PTPRD: variants seen among roughly 807,000 people sequenced by gnomAD.
The protein encoded by PTPRD is receptor-type tyrosine-protein phosphatase delta.
Under a neutral mutation model 214.5 loss-of-function variants are expected in PTPRD, and 34 were observed. The observed-to-expected ratio is 0.16, with a 90% confidence interval of 0.12 to 0.21. PTPRD has a LOEUF of 0.21. Ranked by LOEUF, PTPRD falls within the 10% of genes least tolerant of loss-of-function variation. PTPRD has a pLI of 1.00. For synonymous variants in PTPRD, 1,128 were observed against 845.7 expected (o/e 1.33, Z -5.79); for missense variants, 2,545 against 2,398.7 (o/e 1.06, Z -1.27).
At chr9:9,169,074 A>G (rs1037182516) in intron 10 of PTPRD, among the ~76,000 whole-genome samples, 3 of 152,024 alleles carry the variant, frequency 2.0e-5, no homozygotes, top group Non-Finnish European at 4.4e-5. Flanking sequence ...ATCAGTGGAA[A>G]TCAATTTGCA....
At chr9:9,465,443 G>A (rs909581980) in intron 8 of PTPRD, among the ~76,000 whole-genome samples, 3 of 152,254 alleles carry the variant, frequency 2.0e-5, no homozygotes, top group Middle Eastern at 6.8e-3. Flanking sequence ...TGAGTCAGAG[G>A]AGTCCATTAC....
chr9:9,279,342 T>TTATA (rs113014721), intron 9 of PTPRD, among the ~76,000 whole-genome samples: 79 of 145,158 alleles, frequency 5.4e-4, no homozygotes, highest in Middle Eastern at 3.6e-3. Context: ...ATACCTAAAT[T>TTATA]TATATATATA....
chr9:10,479,135 T>C (rs992109094), intron 2 of PTPRD, among the ~76,000 whole-genome samples: 3 of 152,226 alleles, frequency 2.0e-5, no homozygotes, highest in East Asian at 1.9e-4. Context: ...AATGAATAAA[T>C]ATAATACTAA....
chr9:9,268,095 G>A (rs908624427), intron 9 of PTPRD, among the ~76,000 whole-genome samples: 6 of 150,824 alleles, frequency 4.0e-5, no homozygotes, highest in Non-Finnish European at 5.9e-5. Context: ...TGTTTTTGAT[G>A]ATATAATCTT....
intron 3 of PTPRD, among the ~76,000 whole-genome samples, chr9:10,056,207 G>A (rs767810676): frequency 1.3e-5 from 2 of 151,820 alleles, no homozygotes; most frequent in African/African-American, 4.8e-5. Context: ...TGTTATCCCA[G>A]CTAGTCAGCA....
chr9:8,403,273 C>G (rs1306069521), intron 36 of PTPRD, among the ~76,000 whole-genome samples: 1 of 152,094 alleles, frequency 6.6e-6, no homozygotes, highest in Non-Finnish European at 1.5e-5. Context: ...GAACATCTTT[C>G]AACTATAAAG....
At chr9:8,339,592 T>C (rs1850460805) in intron 42 of PTPRD, among the ~76,000 whole-genome samples, 1 of 152,128 alleles carries the variant, frequency 6.6e-6, no homozygotes, top group South Asian at 2.1e-4. Context: ...TCAGAGTAAG[T>C]CAGTTACTTT....
intron 3 of PTPRD, among the ~76,000 whole-genome samples, chr9:10,049,432 AAAGAAAAG>A (rs1164720657): frequency 3.2e-5 from 4 of 126,800 alleles, no homozygotes; most frequent in Admixed American, 9.1e-5. Flanking sequence ...AGAAAGAAAG[AAAGAAAAG>A]AAAAAAAAAA....
At chr9:9,500,368 TG>T (rs1569568838) in intron 8 of PTPRD, among the ~76,000 whole-genome samples, 1 of 152,210 alleles carries the variant, frequency 6.6e-6, no homozygotes, top group East Asian at 1.9e-4. Flanking sequence ...GATAACAAAA[TG>T]AATTAGGTTC....
chr9:8,409,711 T>C (rs2093356142), intron 35 of PTPRD, among the ~76,000 whole-genome samples: 1 of 152,212 alleles, frequency 6.6e-6, no homozygotes, highest in South Asian at 2.1e-4. Flanking sequence ...TGTGTTTCAC[T>C]TTCCCTCATC....
intron 8 of PTPRD, among the ~76,000 whole-genome samples, chr9:9,566,529 T>C (rs1265692976): frequency 6.6e-6 from 1 of 151,954 alleles, no homozygotes; most frequent in Non-Finnish European, 1.5e-5. Context: ...GGAGAATCAG[T>C]TTTACACAAT....
intron 11 of PTPRD, among the ~76,000 whole-genome samples, chr9:8,810,713 C>T (rs1014586898): frequency 1.3e-5 from 2 of 152,152 alleles, no homozygotes; most frequent in Admixed American, 1.3e-4. Flanking sequence ...TTTGGTTACC[C>T]TGAAAGTGGA....
At chr9:8,769,368 G>A (rs1344587722) in intron 11 of PTPRD, among the ~76,000 whole-genome samples, 2 of 152,170 alleles carry the variant, frequency 1.3e-5, no homozygotes, top group Admixed American at 6.5e-5. Context: ...AATTACAGCT[G>A]GATGAGAATG....
intron 3 of PTPRD, among the ~76,000 whole-genome samples, chr9:10,062,028 ATTG>A (rs57059069): frequency 0.058 from 7,253 of 124,652 alleles, 483 homozygotes; most frequent in African/African-American, 0.26. Context: ...TTCGAGAACC[ATTG>A]ATTGATTGAT....
chr9:9,780,528 A>G (rs1701614782), intron 5 of PTPRD, among the ~76,000 whole-genome samples: 1 of 152,246 alleles, frequency 6.6e-6, no homozygotes, highest in South Asian at 2.1e-4. Context: ...CATTGGTAAC[A>G]AAGAGTTACC....
At chr9:10,001,208 G>C (rs1283505009) in intron 4 of PTPRD, among the ~76,000 whole-genome samples, 2 of 151,882 alleles carry the variant, frequency 1.3e-5, no homozygotes, top group Non-Finnish European at 2.9e-5. Context: ...GTATCAATTT[G>C]ACATCATCCA....
intron 5 of PTPRD, among the ~76,000 whole-genome samples, chr9:9,917,204 G>A (rs1422474609): frequency 1.6e-5 from 2 of 128,402 alleles, no homozygotes; most frequent in African/African-American, 5.8e-5. Context: ...AGATCAAGCA[G>A]AAGTAAACAA....
intron 34 of PTPRD, among the ~76,000 whole-genome samples, chr9:8,447,552 G>C (rs1027473434): frequency 1.3e-5 from 2 of 152,186 alleles, no homozygotes; most frequent in African/African-American, 4.8e-5. Flanking sequence ...CTTGCAGACA[G>C]AAGTCTCCTG....
chr9:8,471,769 T>A (rs865979876), intron 30 of PTPRD, among the ~76,000 whole-genome samples: 20 of 152,118 alleles, frequency 1.3e-4, no homozygotes, highest in African/African-American at 4.6e-4. Context: ...ATACTTACAC[T>A]GAGAACAGTC....
Sources: allele counts gnomAD v4.1 joint callset (sites outside exome capture counted in the v4.1 genomes callset), GRCh38; gene constraint gnomAD v4.1.1; transcripts MANE v1.5; gene names NCBI Gene and HGNC (gene_info 2026-07-23, HGNC 2026-07-21).